Variants in CAND2 observed in about 807,000 individuals in gnomAD.
CAND2 encodes the protein cullin-associated NEDD8-dissociated protein 2.
A neutral mutation model predicts 98.9 loss-of-function variants in CAND2; 62 were observed. That is an observed-to-expected ratio of 0.63 (90% confidence interval 0.51 to 0.77). The LOEUF (loss-of-function observed/expected upper bound fraction) is 0.77. Ranked by LOEUF, CAND2 falls within the 30% of genes least tolerant of loss-of-function variation. The probability of loss-of-function intolerance (pLI) is 0.00; values close to 1 mark genes in which losing one functional copy is unlikely to be tolerated. For missense variants in CAND2, 1,501 were observed against 1,655.2 expected (o/e 0.91, Z 1.62); for synonymous variants, 770 against 731.9 (o/e 1.05, Z -0.84).
intron 13 of CAND2, among the ~76,000 whole-genome samples, chr3:12,830,231 C>G (rs947195283): frequency 4.6e-5 from 7 of 152,252 alleles, no homozygotes; most frequent in African/African-American, 1.7e-4. Context: ...CATAAGTTCT[C>G]TGGGATTCCA....
intron 1 of CAND2, among the ~76,000 whole-genome samples, chr3:12,800,535 C>G (rs1434715452): frequency 6.6e-6 from 1 of 152,168 alleles, no homozygotes; most frequent in African/African-American, 2.4e-5. Context: ...CTGTTTTCTC[C>G]TGAGACTCCG....
rs1042906709 is a variant in CAND2, at chr3:12,810,048, G to C, written c.492-11G>C. 22 of 1,409,974 alleles carry C rather than the reference G, an allele frequency of 1.6e-5. No homozygotes were observed. The highest frequency in any genetic ancestry group is 2.0e-5 in the Non-Finnish European group (22 of 1,083,728). 87.3% of individuals were successfully genotyped at this position (1,409,974 alleles called of 1,614,324 possible). A position where few individuals can be genotyped will look rare whatever the true frequency, so the allele number is the denominator to read the frequency against. On this transcript the variant is annotated splice_polypyrimidine_tract_variant and intron_variant, in intron 4 of 14. Transcript: ENST00000456430. ...AGTGCGATCGGCCTGATGCCCCCTCGTGCTCCCCAGGCTGGGTGTCCCGCT... is the reference window on the plus strand; with the variant it reads ...AGTGCGATCGGCCTGATGCCCCCTCCTGCTCCCCAGGCTGGGTGTCCCGCT...
rs765695101 is a variant in CAND2 at position 12,810,222 on chromosome 3, C to T, written c.655C>T (p.Leu219=). Residue 219 remains leucine (L), a synonymous_variant, in exon 5 of 15, where the codon CTG becomes TTG. Transcript: ENST00000456430. ...CTTCGTCGAGCTCGCTGACCACCTA[C>T]TGGACCGGCTGCCCGGCCCGCGGGT... The part of the protein sequence containing the change: ...DLFVELADHL[L]DRLPGPRVPT... 55 of 1,539,616 alleles carry T rather than the reference C, an allele frequency of 3.6e-5. No homozygotes were observed. The highest frequency in any genetic ancestry group is 3.3e-4 in the Admixed American group (17 of 51,676).
At chr3:12,832,605 C>T (rs1397992329) in intron 14 of CAND2, 1 of 152,234 alleles carries the variant, frequency 6.6e-6, no homozygotes, top group African/African-American at 2.4e-5. Flanking sequence ...ATCTACCAAG[C>T]TCTGACAACC....
chr3:12,813,431 A>G (rs757451394), intron 7 of CAND2, 43 bp downstream of exon 7: 14 of 1,588,966 alleles, frequency 8.8e-6, no homozygotes, highest in Non-Finnish European at 1.0e-5. Flanking sequence ...GTGGAGGTGA[A>G]CACAGCCTTC....
Position 12,810,133 on chromosome 3 carries a change from T to C in CAND2, c.566T>C (p.Leu189Pro), listed in dbSNP as rs777790195. The change falls in exon 5 of 15, where the codon CTG (leucine) becomes CCG (proline). Residue 189 changes from leucine to proline, a missense_variant. Leu to Pro is a moderately conservative substitution (Grantham distance 98). This residue lies in a region of CAND2 where 1,427 missense variants were observed against 1,545.3 expected (regional missense o/e 0.92). Coordinates refer to ENST00000456430, the MANE Select transcript of CAND2 (RefSeq NM_001162499.2). ...CLLPQLSSPR[L>P]AVRKRAVGAL... The stretch of plus-strand genomic sequence containing the variant: ...CTGCCACAGCTGAGCAGCCCGCGCC[T>C]GGCGGTGCGCAAGCGGGCGGTCGGA... 1.3e-6 allele frequency: 2 copies of C among 1,522,620 alleles called. No homozygotes were observed. Among genetic ancestry groups the C allele is most frequent in the Middle Eastern group, 1.8e-4 (1 of 5,570 alleles). 94.3% of individuals were successfully genotyped at this position (1,522,620 alleles called of 1,614,324 possible). A position where few individuals can be genotyped will look rare whatever the true frequency, so the allele number is the denominator to read the frequency against.
intron 4 of CAND2, among the ~76,000 whole-genome samples, chr3:12,808,919 G>T (rs1366915546): frequency 6.6e-6 from 1 of 152,120 alleles, no homozygotes; most frequent in East Asian, 1.9e-4. Flanking sequence ...GTGGAGAGGT[G>T]GGTATGCAGA....
At chr3:12,805,877 AC>A (rs944141284) in intron 2 of CAND2, among the ~76,000 whole-genome samples, 1 of 152,092 alleles carries the variant, frequency 6.6e-6, no homozygotes, top group African/African-American at 2.4e-5. Context: ...CTGCTTCTCA[AC>A]CCCTTAAAGG....
chr3:12,813,537 C>T, intron 7 of CAND2, 149 bp downstream of exon 7: 1 of 697,014 alleles, frequency 1.4e-6, no homozygotes, highest in East Asian at 2.7e-5. Flanking sequence ...TGTGACTGCA[C>T]AGACCACAGT....
In CAND2 at chr3:12,815,065, C is replaced by G; in HGVS notation, c.1007-76C>G. On this transcript the variant is annotated intron_variant, in intron 7 of 14. Transcript: ENST00000456430. This position sits in a 1 kb window ranked among gnomAD's most constrained non-coding sequence, Gnocchi z 5.7. ...AGCACAGTGCCCAGCTCTCTCTCCT[C>G]CCTGTCCCTTCTCCCCCGAGCCACA... 6.9e-7 allele frequency: 1 copy of G among 1,459,430 alleles called. No individual in the cohort carries two copies. Among genetic ancestry groups the G allele is most frequent in the Non-Finnish European group, 9.4e-7 (1 of 1,064,126 alleles). 90.4% of individuals were successfully genotyped at this position (1,459,430 alleles called of 1,614,324 possible).
chr3:12,825,743 C>A, intron 12 of CAND2, 104 bp downstream of exon 12: 1 of 1,270,518 alleles, frequency 7.9e-7, no homozygotes, highest in Non-Finnish European at 1.1e-6. Context: ...GCCGGGGCCA[C>A]ATGGCCTGGG....
In CAND2 at chr3:12,831,323, G is replaced by A. The variant is rs2062052070; in HGVS notation, c.3376-142G>A. 6.7e-5 allele frequency: 46 copies of A among 690,522 alleles called. 1 individual carries two copies. In the South Asian group the frequency reaches 7.1e-4, roughly 11 times the overall value. 42.8% of individuals were successfully genotyped at this position (690,522 alleles called of 1,614,324 possible). Reference sequence around the variant, plus strand: ...CCATTTGAGGAAACAGACCCAGAGAGGGAGAGACTCTGGCAGGACTTCACG... The same window carrying A: ...CCATTTGAGGAAACAGACCCAGAGAAGGAGAGACTCTGGCAGGACTTCACG... On this transcript the variant is annotated intron_variant, in intron 13 of 14. Transcript: ENST00000456430.
intron 11 of CAND2, among the ~76,000 whole-genome samples, chr3:12,824,236 T>TA (rs1310594533): frequency 3.3e-5 from 5 of 152,342 alleles, no homozygotes; most frequent in Non-Finnish European, 5.9e-5. Context: ...TAAAGTATAA[T>TA]AAAAAAATTT....
Position 12,797,480 on chromosome 3 carries a change from C to T in CAND2, c.68+692C>T, listed in dbSNP as rs145908808. Among the ~76,000 whole-genome samples the T allele has an allele frequency of 5.3e-5, 8 of 152,116 alleles. No individual in the cohort carries two copies. In the East Asian group the frequency reaches 1.6e-3, roughly 30 times the overall value. ...GGGACCTTCTAGGTTTTGTGTGCCACTCTCCTTCCCCACTCCCTTTTTCCT... is the reference window on the plus strand; with the variant it reads ...GGGACCTTCTAGGTTTTGTGTGCCATTCTCCTTCCCCACTCCCTTTTTCCT... On this transcript the variant is annotated intron_variant, in intron 1 of 14. Coordinates refer to ENST00000456430, the MANE Select transcript of CAND2 (RefSeq NM_001162499.2).
chr3:12,829,448 C>T (rs2062033256), intron 13 of CAND2, among the ~76,000 whole-genome samples: 1 of 152,196 alleles, frequency 6.6e-6, no homozygotes, highest in Non-Finnish European at 1.5e-5. Context: ...CGCCCGGCCC[C>T]ATATTACAAC....
At position 12,808,237 on chromosome 3, in the gene CAND2, G is replaced by A. The variant is rs997837952; in HGVS notation, c.395G>A (p.Arg132Gln). Reference sequence around the variant, plus strand: ...TCCGGGCTGGCCACCAACGTGTGCCGGAAGATCACAGGCCAGCTCACCAGT... The same window carrying A: ...TCCGGGCTGGCCACCAACGTGTGCCAGAAGATCACAGGCCAGCTCACCAGT... ...TGSGLATNVC[R>Q]KITGQLTSAI... is the part of the protein sequence containing the mutation. Residue 132 changes from arginine to glutamine, a missense_variant, in exon 4 of 15, where the codon CGG (arginine) becomes CAG (glutamine). Physicochemically the swap from Arg to Gln is conservative, Grantham distance 43. This residue lies in a region of CAND2 where 1,427 missense variants were observed against 1,545.3 expected (regional missense o/e 0.92). Coordinates refer to ENST00000456430, the MANE Select transcript of CAND2 (RefSeq NM_001162499.2). 11 of 1,551,138 alleles carry A rather than the reference G, an allele frequency of 7.1e-6. No individual in the cohort carries two copies. The highest frequency in any genetic ancestry group is 2.0e-5 in the Admixed American group (1 of 50,980).
At position 12,810,297 on chromosome 3, in the gene CAND2, G is replaced by T. The variant is rs1443041699; in HGVS notation, c.730G>T (p.Val244Phe). The change falls in exon 5 of 15, where the codon GTC (valine) becomes TTC (phenylalanine). Residue 244 changes from valine (V) to phenylalanine (F), a missense_variant. Transcript: ENST00000456430. The stretch of plus-strand genomic sequence containing the variant: ...CACCCTGATCCAATGTTTGGGCAGC[G>T]TCGGCCGCCAGGCCGGCCACCGCCT... ...IRTLIQCLGSVGRQAGHRLGA... is the reference protein window; with the variant it reads ...IRTLIQCLGSFGRQAGHRLGA... 2 of 1,467,044 alleles carry T rather than the reference G, an allele frequency of 1.4e-6. No individual in the cohort carries two copies. The highest frequency in any genetic ancestry group is 1.8e-6 in the Non-Finnish European group (2 of 1,110,038). The allele number at this position is 1,467,044 out of a possible 1,614,324, so 90.9% of individuals were successfully genotyped here.
chr3:12,832,048 G>A (rs187000812), intron 14 of CAND2, among the ~76,000 whole-genome samples: 21 of 152,330 alleles, frequency 1.4e-4, no homozygotes, highest in Non-Finnish European at 2.1e-4. Context: ...GAAAGCTGGC[G>A]TTGGGAGCAG....
At chr3:12,812,224 T>TC (rs1333220641) in intron 5 of CAND2, among the ~76,000 whole-genome samples, 1 of 114,134 alleles carries the variant, frequency 8.8e-6, no homozygotes, top group East Asian at 2.3e-4. Context: ...TGTTTATCTT[T>TC]TTTTTTTTTT....
Sources: gnomAD v4.1 joint callset for allele counts (sites outside exome capture counted in the v4.1 genomes callset) on GRCh38, gnomAD v4.1.1 for gene constraint, gnomAD v4.1.1 regional missense constraint, Gnocchi (gnomAD v3.1) non-coding constraint, MANE v1.5 for transcripts, NCBI Gene and HGNC (gene_info 2026-07-23, HGNC 2026-07-21) for gene names.